The following SPPL3 variants were observed in gnomAD, a reference collection of about 807,000 sequenced individuals.
SPPL3 encodes the protein signal peptide peptidase like 3, also known as signal peptide peptidase-like 3.
SPPL3 carries 5 observed loss-of-function variants against 42.4 expected under a neutral mutation model. The ratio of observed to expected loss-of-function variants is 0.12; its 90% CI spans 0.06 to 0.25. The LOEUF is 0.25. Among genes scored for constraint, SPPL3 ranks in the 10% least tolerant of loss-of-function variants. The probability of loss-of-function intolerance (pLI) is 1.00; values close to 1 mark genes in which losing one functional copy is unlikely to be tolerated. For missense variants in SPPL3, 235 were observed against 489.0 expected (o/e 0.48, Z 4.90); for synonymous variants, 195 against 181.8 (o/e 1.07, Z -0.58).
At chr12:120,885,658 T>C (rs1873431036) in intron 1 of SPPL3, among the ~76,000 whole-genome samples, 2 of 152,084 alleles carry the variant, frequency 1.3e-5, no homozygotes, top group Non-Finnish European at 2.9e-5. Flanking sequence ...GCTATCCCTA[T>C]CTTCAACCAT....
chr12:120,804,719 T>A (rs1218517318), intron 2 of SPPL3, among the ~76,000 whole-genome samples: 1 of 152,270 alleles, frequency 6.6e-6, no homozygotes, highest in East Asian at 1.9e-4. Context: ...AGAGTTACCA[T>A]TAGACCCAGC....
At chr12:120,847,278 GTTTATT>G (rs1189664101) in intron 1 of SPPL3, among the ~76,000 whole-genome samples, 4 of 152,000 alleles carry the variant, frequency 2.6e-5, no homozygotes, top group Non-Finnish European at 5.9e-5. Flanking sequence ...CATGAATTCA[GTTTATT>G]TTTATTTATT....
At chr12:120,787,876 T>C (rs1392947759) in intron 3 of SPPL3, among the ~76,000 whole-genome samples, 1 of 152,222 alleles carries the variant, frequency 6.6e-6, no homozygotes, top group Non-Finnish European at 1.5e-5. Flanking sequence ...AGTTCACTTG[T>C]TTTCACTGTA....
At chr12:120,851,844 T>C (rs1872234911) in intron 1 of SPPL3, among the ~76,000 whole-genome samples, 1 of 152,180 alleles carries the variant, frequency 6.6e-6, no homozygotes, top group South Asian at 2.1e-4. Context: ...GCTCAAGCGA[T>C]CTGCCCGCCT....
intron 2 of SPPL3, chr12:120,791,950 C>T: frequency 5.0e-6 from 1 of 199,280 alleles, no homozygotes; most frequent in Non-Finnish European, 1.0e-5. Flanking sequence ...TGTATGAGAG[C>T]ACTCATTTCC....
chr12:120,833,567 T>C (rs1359362205), intron 1 of SPPL3, among the ~76,000 whole-genome samples: 1 of 150,082 alleles, frequency 6.7e-6, no homozygotes, highest in Non-Finnish European at 1.5e-5. Context: ...CAGTGGCTCA[T>C]GCCTATAATT....
At chr12:120,802,229 G>A (rs1456657481) in intron 2 of SPPL3, among the ~76,000 whole-genome samples, 1 of 151,704 alleles carries the variant, frequency 6.6e-6, no homozygotes, top group Non-Finnish European at 1.5e-5. Context: ...TTAGGTATTA[G>A]GTTCCTTCAT....
Position 120,768,390 on chromosome 12 carries a change from G to A in SPPL3, c.708C>T (p.His236=). The change falls in exon 8 of 11, where the codon CAC becomes CAT. Residue 236 remains histidine (H), a synonymous_variant. Coordinates refer to ENST00000353487, the MANE Select transcript of SPPL3 (RefSeq NM_139015.5). ...CATCACGCCCAACATTGGGCCCCAG[G>A]TGGAGCTTCCGGGATAGAACGTCAA... is the stretch of plus-strand genomic sequence containing the variant. ...NPLDVLSRKL[H]LGPNVGRDVP... The A allele has an allele frequency of 2.5e-6, 4 of 1,614,210 alleles. No individual in the cohort carries two copies. Among genetic ancestry groups the A allele is most frequent in the Non-Finnish European group, 3.4e-6 (4 of 1,180,020 alleles).
chr12:120,851,643 A>T (rs1378134272), intron 1 of SPPL3, among the ~76,000 whole-genome samples: 1 of 152,052 alleles, frequency 6.6e-6, no homozygotes, highest in Non-Finnish European at 1.5e-5. Flanking sequence ...TCACTCTGTC[A>T]CCCAGGCAGG....
chr12:120,839,130 T>G (rs1213467409), intron 1 of SPPL3, among the ~76,000 whole-genome samples: 1 of 151,662 alleles, frequency 6.6e-6, no homozygotes, highest in Non-Finnish European at 1.5e-5. Context: ...AATGATAGAC[T>G]GGATTAAGAA....
At chr12:120,884,315 C>T (rs1873382860) in intron 1 of SPPL3, among the ~76,000 whole-genome samples, 1 of 152,032 alleles carries the variant, frequency 6.6e-6, no homozygotes, top group Admixed American at 6.6e-5. Flanking sequence ...TTATGCTACA[C>T]ATACAAATCA....
At chr12:120,778,991 C>G (rs527252548) in intron 6 of SPPL3, among the ~76,000 whole-genome samples, 1 of 151,836 alleles carries the variant, frequency 6.6e-6, no homozygotes, top group Non-Finnish European at 1.5e-5. Context: ...AAAAAAAAAT[C>G]CAAACAATTA....
intron 1 of SPPL3, among the ~76,000 whole-genome samples, chr12:120,820,858 T>C (rs1006999918): frequency 3.3e-5 from 5 of 152,150 alleles, no homozygotes; most frequent in African/African-American, 1.2e-4. Flanking sequence ...TCTGGGAGGC[T>C]GAGGCAGGAG....
chr12:120,817,992 A>AG (rs1192760279), intron 1 of SPPL3, among the ~76,000 whole-genome samples: 5 of 152,140 alleles, frequency 3.3e-5, no homozygotes, highest in Non-Finnish European at 2.9e-5. Context: ...CCAAGGAAAA[A>AG]GGGTGGGTAA....
At chr12:120,836,243 G>A (rs1008688870) in intron 1 of SPPL3, among the ~76,000 whole-genome samples, 2 of 151,748 alleles carry the variant, frequency 1.3e-5, no homozygotes, top group Non-Finnish European at 2.9e-5. Context: ...ACCAAAAGAC[G>A]GCTACAGAAA....
intron 1 of SPPL3, among the ~76,000 whole-genome samples, chr12:120,832,818 A>G (rs1871472362): frequency 1.3e-5 from 2 of 152,176 alleles, no homozygotes; most frequent in Non-Finnish European, 2.9e-5. Flanking sequence ...CTGTAGTTTA[A>G]TATTAGAGAT....
At chr12:120,780,842 G>A (rs989174196) in intron 6 of SPPL3, among the ~76,000 whole-genome samples, 11 of 151,768 alleles carry the variant, frequency 7.2e-5, no homozygotes, top group South Asian at 4.2e-4. Context: ...TCCGGGAGAC[G>A]AAGGCTGCAG....
chr12:120,787,792 A>AT (rs908515523), intron 3 of SPPL3, among the ~76,000 whole-genome samples: 1 of 152,038 alleles, frequency 6.6e-6, no homozygotes, highest in Non-Finnish European at 1.5e-5. Context: ...TTATGTAGTT[A>AT]TTTTTTTGTG....
At chr12:120,798,934 T>C (rs553545914) in intron 2 of SPPL3, among the ~76,000 whole-genome samples, 18 of 152,316 alleles carry the variant, frequency 1.2e-4, no homozygotes, top group Non-Finnish European at 1.8e-4. Context: ...TTAGTGAGAA[T>C]AGGTGCTGAG....
Sources: gnomAD v4.1 joint callset for allele counts (sites outside exome capture counted in the v4.1 genomes callset) on GRCh38, gnomAD v4.1.1 for gene constraint, MANE v1.5 for transcripts, NCBI Gene and HGNC (gene_info 2026-07-23, HGNC 2026-07-21) for gene names.